Variants in FOXJ3 observed in about 807,000 individuals in gnomAD.
The protein encoded by FOXJ3 is forkhead box J3.
FOXJ3 carries 22 observed loss-of-function variants against 76.1 expected under a neutral mutation model. The ratio of observed to expected loss-of-function variants is 0.29; its 90% CI spans 0.21 to 0.41. The LOEUF (loss-of-function observed/expected upper bound fraction) is 0.41. Among genes scored for constraint, FOXJ3 ranks in the 10% least tolerant of loss-of-function variants. The probability of loss-of-function intolerance (pLI) is 1.00; values close to 1 mark genes in which losing one functional copy is unlikely to be tolerated. For synonymous variants in FOXJ3, 269 were observed against 261.2 expected, an observed-to-expected ratio of 1.03 and a Z score of -0.29; for missense variants, 613 against 762.1, an observed-to-expected ratio of 0.80 and a Z score of 2.30.
At chr1:42,234,038 A>G (rs1186858576) in intron 4 of FOXJ3, among the ~76,000 whole-genome samples, 1 of 152,198 alleles carries the variant, frequency 6.6e-6, no homozygotes, top group Non-Finnish European at 1.5e-5. Context: ...CCTTTTCTGC[A>G]TCTGATATAG....
intron 2 of FOXJ3, among the ~76,000 whole-genome samples, chr1:42,307,104 A>G (rs1242993703): frequency 1.3e-5 from 2 of 152,222 alleles, no homozygotes; most frequent in Non-Finnish European, 2.9e-5. Flanking sequence ...CTATCTTCCT[A>G]TCTAATCTTC....
chr1:42,181,840 C>T (rs563307773), intron 12 of FOXJ3, 77 bp downstream of exon 12: 12 of 916,356 alleles, frequency 1.3e-5, no homozygotes, highest in Non-Finnish European at 2.0e-5. Context: ...CTCTCTCTCA[C>T]CTGCCATCGT....
chr1:42,283,113 C>T (rs1652833858), intron 2 of FOXJ3, among the ~76,000 whole-genome samples: 1 of 152,094 alleles, frequency 6.6e-6, no homozygotes, highest in Admixed American at 6.6e-5. Context: ...CAGCTTTATA[C>T]AGGAAAAGAA....
Position 42,294,762 on chromosome 1 carries a change from C to CAAAAAAAAAAAA in FOXJ3, c.45-16102_45-16091dup, listed in dbSNP as rs5773766. Reference sequence around the variant, plus strand: ...GGGCAACAAGAGCGAAACTTGGTCTCAAAAAAAAAAAAAAAAGACGCCATG... The same window carrying CAAAAAAAAAAAA: ...GGGCAACAAGAGCGAAACTTGGTCTCAAAAAAAAAAAAAAAAAAAAAAAAAAAAGACGCCATG... On this transcript the variant is annotated intron_variant, in intron 2 of 12. Coordinates refer to ENST00000361346, the MANE Select transcript of FOXJ3 (RefSeq NM_014947.5). Among the ~76,000 whole-genome samples, 80 of 105,632 alleles carry CAAAAAAAAAAAA rather than the reference C, an allele frequency of 7.6e-4. 1 individual carries two copies. The highest frequency in any genetic ancestry group is 5.0e-3 in the Middle Eastern group (1 of 202). The allele number at this position is 105,632 out of a possible 152,430, so 69.3% of individuals were successfully genotyped here.
intron 5 of FOXJ3, among the ~76,000 whole-genome samples, chr1:42,227,223 A>G (rs532129623): frequency 6.6e-6 from 1 of 152,374 alleles, no homozygotes; most frequent in South Asian, 2.1e-4. Flanking sequence ...GTCTTGAAGA[A>G]CAGTAAGGTA....
chr1:42,268,469 T>A (rs1651635389), intron 3 of FOXJ3, among the ~76,000 whole-genome samples: 2 of 151,524 alleles, frequency 1.3e-5, no homozygotes, highest in South Asian at 4.2e-4. Flanking sequence ...AAAATGCAGA[T>A]CACAAAAATA....
At chr1:42,227,827 C>A (rs1434894365) in intron 5 of FOXJ3, 56 bp downstream of exon 5, 62 of 944,648 alleles carry the variant, frequency 6.6e-5, no homozygotes, top group East Asian at 2.8e-4. Flanking sequence ...CTTTCAAAAT[C>A]TGTATTTCAG....
intron 3 of FOXJ3, among the ~76,000 whole-genome samples, chr1:42,276,388 G>T (rs757133251): frequency 6.6e-6 from 1 of 152,002 alleles, no homozygotes; most frequent in Non-Finnish European, 1.5e-5. Context: ...GGGGAAGAGA[G>T]GGGAGAGAGT....
intron 11 of FOXJ3, among the ~76,000 whole-genome samples, chr1:42,183,539 T>G (rs1490410381): frequency 6.6e-6 from 1 of 151,798 alleles, no homozygotes; most frequent in Non-Finnish European, 1.5e-5. Flanking sequence ...CTCCAATAAC[T>G]CATGAGGAAT....
Position 42,178,486 on chromosome 1 carries a change from C to T in FOXJ3, c.*1224G>A, listed in dbSNP as rs1646255595. 1.3e-5 allele frequency: 2 copies of T among 152,156 alleles called. No homozygotes were observed. Among genetic ancestry groups the T allele is most frequent in the South Asian group, 4.1e-4 (2 of 4,826 alleles). 9.4% of individuals were successfully genotyped at this position (152,156 alleles called of 1,614,324 possible). ...GAGTGTCTTATCTGTAAATTCTTAT[C>T]AAGAAAAGTAACGCTGGGCCAGGCG... On this transcript the variant is annotated 3_prime_UTR_variant, in exon 13 of 13. Coordinates refer to ENST00000361346, the MANE Select transcript of FOXJ3 (RefSeq NM_014947.5).
At chr1:42,181,837 T>A in intron 12 of FOXJ3, 80 bp downstream of exon 12, 1 of 883,524 alleles carries the variant, frequency 1.1e-6, no homozygotes. Context: ...ACTCTCTCTC[T>A]CACCTGCCAT....
chr1:42,204,774 T>C (rs1569857385), intron 6 of FOXJ3, among the ~76,000 whole-genome samples: 1 of 142,746 alleles, frequency 7.0e-6, no homozygotes, highest in African/African-American at 2.6e-5. Flanking sequence ...GAGACTGCCA[T>C]GTGGGAAGAA....
At chr1:42,264,249 T>C (rs373443124) in intron 4 of FOXJ3, among the ~76,000 whole-genome samples, 1 of 152,106 alleles carries the variant, frequency 6.6e-6, no homozygotes, top group African/African-American at 2.4e-5. Context: ...TAGTTCTTCA[T>C]GATGAGTCTT....
chr1:42,311,409 T>C (rs1654801834), intron 1 of FOXJ3, among the ~76,000 whole-genome samples: 1 of 152,266 alleles, frequency 6.6e-6, no homozygotes, highest in East Asian at 1.9e-4. Flanking sequence ...GATTTCATAA[T>C]ATGTAACAAA....
intron 5 of FOXJ3, 76 bp downstream of exon 5, chr1:42,227,807 T>C: frequency 1.3e-6 from 1 of 756,992 alleles, no homozygotes; most frequent in Admixed American, 2.4e-5. Context: ...TGTGCTAGAC[T>C]GGAAAAGAAC....
At chr1:42,314,900 G>A (rs1009917894) in intron 1 of FOXJ3, among the ~76,000 whole-genome samples, 6 of 152,182 alleles carry the variant, frequency 3.9e-5, no homozygotes, top group East Asian at 1.9e-4. Context: ...CATAAAGCCA[G>A]TAAGTGAAAA....
At chr1:42,257,073 G>A (rs144398854) in intron 4 of FOXJ3, among the ~76,000 whole-genome samples, 3 of 152,238 alleles carry the variant, frequency 2.0e-5, no homozygotes, top group East Asian at 1.9e-4. Context: ...CTTATTTTGA[G>A]GATCAAGATA....
At chr1:42,189,115 A>C (rs1193664454) in intron 10 of FOXJ3, 187 bp from the exon 11 acceptor site, 3 of 617,228 alleles carry the variant, frequency 4.9e-6, no homozygotes, top group Non-Finnish European at 5.5e-6. Flanking sequence ...AAATGTGGTC[A>C]AATTTCTTTC....
chr1:42,307,235 T>C (rs1654525203), intron 2 of FOXJ3, among the ~76,000 whole-genome samples: 1 of 152,196 alleles, frequency 6.6e-6, no homozygotes, highest in Admixed American at 6.5e-5. Context: ...ACTAGCTTCA[T>C]CATAAACCAC....
Sources: allele counts gnomAD v4.1 joint callset (sites outside exome capture counted in the v4.1 genomes callset), GRCh38; gene constraint gnomAD v4.1.1; transcripts MANE v1.5; gene names NCBI Gene and HGNC (gene_info 2026-07-23, HGNC 2026-07-21).